TMPRSS3: variants seen among roughly 807,000 people sequenced by gnomAD.
TMPRSS3 encodes the protein transmembrane serine protease 3.
Under a neutral mutation model 59.6 loss-of-function variants are expected in TMPRSS3, and 55 were observed. The observed-to-expected ratio is 0.92, with a 90% CI of 0.74 to 1.16. The LOEUF (loss-of-function observed/expected upper bound fraction) is 1.16, where lower values mean the gene tolerates loss of function less well. TMPRSS3 is among the 50% of genes most tolerant of loss of function. The probability of loss-of-function intolerance (pLI) is 0.00; values close to 1 mark genes in which losing one functional copy is unlikely to be tolerated. For synonymous variants in TMPRSS3, 257 were observed against 237.7 expected, an observed-to-expected ratio of 1.08 and a Z score of -0.75; for missense variants, 596 against 579.4, an observed-to-expected ratio of 1.03 and a Z score of -0.29.
At chr21:42,373,810 G>A (rs2052375995) in intron 12 of TMPRSS3, among the ~76,000 whole-genome samples, 1 of 152,190 alleles carries the variant, frequency 6.6e-6, no homozygotes, top group Non-Finnish European at 1.5e-5. Context: ...ACATGGGAGG[G>A]GCTGAGGTGG....
chr21:42,373,024 T>G (rs918469823), intron 12 of TMPRSS3, among the ~76,000 whole-genome samples: 2 of 152,130 alleles, frequency 1.3e-5, no homozygotes, highest in Admixed American at 1.3e-4. Context: ...GTCACTTCCG[T>G]AGGAAACTTC....
chr21:42,383,366 G>A, intron 7 of TMPRSS3, 168 bp from the exon 8 acceptor site: 1 of 726,420 alleles, frequency 1.4e-6, no homozygotes, highest in Non-Finnish European at 2.3e-6. Context: ...CAGGGGAGGT[G>A]GTCAGGCTCT....
In TMPRSS3 at chr21:42,383,059, G is replaced by C. The variant is rs542121546; in HGVS notation, c.756C>G (p.Ile252Met). 1.2e-6 allele frequency: 2 copies of C among 1,614,030 alleles called. No individual in the cohort carries two copies. The highest frequency in any genetic ancestry group is 1.7e-6 in the Non-Finnish European group (2 of 1,180,042). The change falls in exon 8 of 13, where the codon ATC (isoleucine) becomes ATG (methionine). Residue 252 changes from isoleucine (I) to methionine (M), a missense_variant. By Grantham distance (10) the Ile-to-Met change is conservative. Coordinates refer to ENST00000644384, the MANE Select transcript of TMPRSS3 (RefSeq NM_001256317.3). ...CATAAACACAGTGTGCAGCAGTGATGATCCACAGGGGCGTGATGACAGAGC... is the reference window on the plus strand; with the variant it reads ...CATAAACACAGTGTGCAGCAGTGATCATCCACAGGGGCGTGATGACAGAGC... ...CGGSVITPLW[I>M]ITAAHCVYDL...
At chr21:42,376,317 G>A (rs2052427379) in intron 11 of TMPRSS3, among the ~76,000 whole-genome samples, 1 of 152,186 alleles carries the variant, frequency 6.6e-6, no homozygotes, top group Admixed American at 6.5e-5. Context: ...AGAATTGGAG[G>A]GGAGCAGCAT....
At chr21:42,372,806 G>C (rs757758930) in intron 12 of TMPRSS3, 27 bp from the exon 13 acceptor site, 10 of 1,613,896 alleles carry the variant, frequency 6.2e-6, no homozygotes, top group Non-Finnish European at 8.5e-6. Context: ...AGGCGTTATT[G>C]TTTTTAGCAC....
intron 11 of TMPRSS3, 126 bp downstream of exon 11, chr21:42,376,415 G>T: frequency 1.5e-6 from 2 of 1,366,212 alleles, no homozygotes; most frequent in South Asian, 1.2e-5. Flanking sequence ...GTGATATCTT[G>T]AGCAAATTTC....
Position 42,382,094 on chromosome 21 carries a change from A to C in TMPRSS3, c.923T>G (p.Met308Arg). ...PKRLGNDIAL[M>R]KLAGPLTFNE... ...GAACGTGAGTGGCCCGGCCAGCTTC[A>C]TAAGGGCGATGTCATTGCCCAGCCT... The change falls in exon 9 of 13, where the codon ATG (methionine) becomes AGG (arginine). Residue 308 changes from methionine to arginine, a missense_variant. Physicochemically the swap from Met to Arg is moderately conservative, Grantham distance 91. Coordinates refer to ENST00000644384, the MANE Select transcript of TMPRSS3 (RefSeq NM_001256317.3). 1 of 1,614,244 alleles carries C rather than the reference A, an allele frequency of 6.2e-7. No individual in the cohort carries two copies. The highest frequency in any genetic ancestry group is 8.5e-7 in the Non-Finnish European group (1 of 1,180,032).
intron 5 of TMPRSS3, 63 bp from the exon 6 acceptor site, chr21:42,385,597 A>T: frequency 6.3e-7 from 1 of 1,598,122 alleles, no homozygotes; most frequent in Non-Finnish European, 8.6e-7. Context: ...CATTCAACCG[A>T]TGTGCGAGTC....
chr21:42,390,632 G>A (rs558663541), intron 2 of TMPRSS3, among the ~76,000 whole-genome samples: 1 of 152,326 alleles, frequency 6.6e-6, no homozygotes, highest in Non-Finnish European at 1.5e-5. Context: ...GGAGGCTGAG[G>A]CATGAGAATC....
At chr21:42,391,940 T>G (rs1220243626) in intron 2 of TMPRSS3, among the ~76,000 whole-genome samples, 1 of 152,166 alleles carries the variant, frequency 6.6e-6, no homozygotes, top group Non-Finnish European at 1.5e-5. Context: ...AGCAGGAGAA[T>G]TCCCACTAGC....
chr21:42,391,199 T>C (rs1411029466), intron 2 of TMPRSS3, among the ~76,000 whole-genome samples: 1 of 152,172 alleles, frequency 6.6e-6, no homozygotes, highest in Admixed American at 6.5e-5. Flanking sequence ...GATGTTGATT[T>C]TTGTTTGTTT....
At position 42,389,158 on chromosome 21, in the gene TMPRSS3, A is replaced by G. The variant is rs377390162; in HGVS notation, c.206-113T>C. 5 of 1,549,734 alleles carry G rather than the reference A, an allele frequency of 3.2e-6. No individual in the cohort carries two copies. In the East Asian group the frequency reaches 1.2e-4, roughly 37 times the overall value. On this transcript the variant is annotated intron_variant, in intron 3 of 12. Coordinates refer to ENST00000644384, the MANE Select transcript of TMPRSS3 (RefSeq NM_001256317.3). ...CTGGCCCGTGAATAATGAAACCTGT[A>G]TTGAAATTGCGTCCCTGTCAGCAGC...
chr21:42,393,149 CAAGAGAAT>C, intron 2 of TMPRSS3, among the ~76,000 whole-genome samples: 1 of 151,976 alleles, frequency 6.6e-6, no homozygotes, highest in Non-Finnish European at 1.5e-5. Context: ...GAGGCCGAGG[CAAGAGAAT>C]CGCTTGAACC....
intron 10 of TMPRSS3, among the ~76,000 whole-genome samples, chr21:42,378,053 G>A (rs560193110): frequency 2.6e-5 from 4 of 152,332 alleles, no homozygotes; most frequent in South Asian, 2.1e-4. Flanking sequence ...GAAGGGGAGC[G>A]TAGATTGGTG....
intron 9 of TMPRSS3, 127 bp downstream of exon 9, chr21:42,381,938 G>A (rs1247550349): frequency 1.7e-6 from 2 of 1,209,852 alleles, no homozygotes; most frequent in East Asian, 2.3e-5. Flanking sequence ...ACATGAATCA[G>A]GAGTTGGAAT....
intron 2 of TMPRSS3, among the ~76,000 whole-genome samples, chr21:42,392,281 AAGAAG>A (rs140537105): frequency 0.048 from 7,325 of 152,256 alleles, 583 homozygotes; most frequent in African/African-American, 0.17. Context: ...CTGCCTAAGA[AAGAAG>A]AGAATTTGAA....
rs369749046 is a variant in TMPRSS3 at position 42,385,245 on chromosome 21, C to T, written c.572+164G>A. ...CATACTCCCTCAGGTTCTCACACCC[C>T]CAGCCTGGCGCATCCACCAGTCTCA... is the stretch of plus-strand genomic sequence containing the variant. On this transcript the variant is annotated intron_variant, in intron 6 of 12. Transcript: ENST00000644384. Among the ~76,000 whole-genome samples the T allele has an allele frequency of 5.1e-4, 78 of 152,044 alleles. 1 individual carries two copies. The South Asian group carries it at 0.012, about 23-fold the overall frequency.
rs373967474 is a variant in TMPRSS3, at chr21:42,375,537, A to T, written c.1344+179T>A. ...CACCCACCCAGAGCTGCCCAGGACT[A>T]GCTGTGATCTCTGTTTTCAGCACAA... On this transcript the variant is annotated intron_variant, in intron 12 of 12. Coordinates refer to ENST00000644384, the MANE Select transcript of TMPRSS3 (RefSeq NM_001256317.3). Among the ~76,000 whole-genome samples, 5 of 151,928 alleles carry T rather than the reference A, an allele frequency of 3.3e-5. 1 individual carries two copies. The highest frequency in any genetic ancestry group is 1.9e-4 in the East Asian group (1 of 5,150).
At chr21:42,376,878 C>T (rs1005640798) in intron 10 of TMPRSS3, among the ~76,000 whole-genome samples, 195 bp from the exon 11 acceptor site, 3 of 152,196 alleles carry the variant, frequency 2.0e-5, no homozygotes, top group African/African-American at 4.8e-5. Context: ...ACCTCAAGCC[C>T]GAGCTTGCCC....
Sources: gnomAD v4.1 joint callset for allele counts (sites outside exome capture counted in the v4.1 genomes callset) on GRCh38, gnomAD v4.1.1 for gene constraint, MANE v1.5 for transcripts, NCBI Gene and HGNC (gene_info 2026-07-23, HGNC 2026-07-21) for gene names.